CSMD3: variants seen among roughly 807,000 people sequenced by gnomAD.
CSMD3 encodes the protein CUB and Sushi multiple domains 3.
A neutral mutation model predicts 435.2 loss-of-function variants in CSMD3; 177 were observed. The observed-to-expected ratio is 0.41, with a 90% confidence interval of 0.36 to 0.46. The LOEUF is 0.46. Ranked by LOEUF, CSMD3 falls within the 20% of genes least tolerant of loss-of-function variation. The pLI, the probability that CSMD3 is intolerant of heterozygous loss-of-function variation, is 0.34. For missense variants in CSMD3, 4,265 were observed against 4,504.6 expected (o/e 0.95, Z 1.52); for synonymous variants, 1,656 against 1,520.5 (o/e 1.09, Z -2.07).
chr8:113,197,406 A>C (rs573375597), intron 3 of CSMD3, among the ~76,000 whole-genome samples: 3 of 151,168 alleles, frequency 2.0e-5, no homozygotes, highest in African/African-American at 7.3e-5. Context: ...AAAATCCAAA[A>C]CAGTTCTGTA....
intron 9 of CSMD3, among the ~76,000 whole-genome samples, chr8:112,936,581 T>G (rs2130739822): frequency 6.6e-6 from 1 of 152,212 alleles, no homozygotes; most frequent in African/African-American, 2.4e-5. Flanking sequence ...GCCTTAGTAT[T>G]CCTTTTTCCT....
intron 3 of CSMD3, among the ~76,000 whole-genome samples, chr8:113,247,979 C>T (rs945577411): frequency 2.0e-5 from 3 of 151,884 alleles, no homozygotes; most frequent in Admixed American, 6.6e-5. Context: ...AAGATTAAGT[C>T]AACAAATAAG....
chr8:113,419,770 T>G (rs948628339), intron 1 of CSMD3, among the ~76,000 whole-genome samples: 1 of 152,130 alleles, frequency 6.6e-6, no homozygotes, highest in African/African-American at 2.4e-5. Context: ...TTAGAATTAT[T>G]TTTTTGCCAA....
chr8:113,147,825 A>G (rs916250378), intron 4 of CSMD3, among the ~76,000 whole-genome samples: 10 of 151,652 alleles, frequency 6.6e-5, no homozygotes, highest in African/African-American at 2.4e-4. Context: ...ACACTCATGA[A>G]TAACAAATCT....
At chr8:112,506,540 G>T (rs181888224) in intron 29 of CSMD3, 151 bp downstream of exon 29, 127 of 712,236 alleles carry the variant, frequency 1.8e-4, no homozygotes, top group Non-Finnish European at 2.8e-4. Context: ...AATGACAGTG[G>T]CAAAGCTAGA....
intron 3 of CSMD3, among the ~76,000 whole-genome samples, chr8:113,203,897 A>C (rs985199068): frequency 6.6e-6 from 1 of 152,090 alleles, no homozygotes; most frequent in South Asian, 2.1e-4. Context: ...ATAAGTATGC[A>C]TCTATTTTTA....
At chr8:113,007,884 T>C (rs1438113429) in intron 6 of CSMD3, among the ~76,000 whole-genome samples, 1 of 151,894 alleles carries the variant, frequency 6.6e-6, no homozygotes, top group Non-Finnish European at 1.5e-5. Flanking sequence ...AAACGTAATA[T>C]AATGGAATGT....
At chr8:112,693,297 C>T (rs1367808138) in intron 13 of CSMD3, among the ~76,000 whole-genome samples, 1 of 152,148 alleles carries the variant, frequency 6.6e-6, no homozygotes, top group Admixed American at 6.6e-5. Flanking sequence ...GGGGGTGACA[C>T]TATTGCTAGG....
chr8:112,725,094 C>A lies in CSMD3; in HGVS notation c.1973-35044G>T, dbSNP rs1461233654. ...TGAATAACTCTTTTGAGCAAGTTTG[C>A]AGCAAAGAGAAGCAAAAAATATATG... On this transcript the variant is annotated intron_variant, in intron 13 of 70. Coordinates refer to ENST00000297405, the MANE Select transcript of CSMD3 (RefSeq NM_198123.2). Among the ~76,000 whole-genome samples the A allele has an allele frequency of 2.0e-5, 3 of 151,910 alleles. No individual in the cohort carries two copies. The East Asian group carries it at 5.8e-4, about 29-fold the overall frequency.
At chr8:112,487,797 C>A (rs576974832) in intron 31 of CSMD3, among the ~76,000 whole-genome samples, 2 of 152,038 alleles carry the variant, frequency 1.3e-5, no homozygotes, top group Non-Finnish European at 2.9e-5. Flanking sequence ...AGGGGAAAAT[C>A]TGGAATCTGT....
intron 11 of CSMD3, among the ~76,000 whole-genome samples, chr8:112,830,862 C>T (rs1053926693): frequency 1.3e-5 from 2 of 150,600 alleles, no homozygotes; most frequent in African/African-American, 4.9e-5. Context: ...TCTTGGCTCA[C>T]TGCCAGCTCC....
At chr8:112,891,080 T>C (rs544586502) in intron 10 of CSMD3, among the ~76,000 whole-genome samples, 2 of 151,624 alleles carry the variant, frequency 1.3e-5, no homozygotes, top group East Asian at 3.9e-4. Context: ...TTATTCTCAT[T>C]TTTACATCAA....
chr8:112,254,932 C>CAT (rs1345141224), intron 62 of CSMD3, among the ~76,000 whole-genome samples: 1 of 151,984 alleles, frequency 6.6e-6, no homozygotes, highest in Non-Finnish European at 1.5e-5. Context: ...AATCTAATTT[C>CAT]ATATGAAGAT....
At chr8:112,726,153 A>G (rs1474316329) in intron 13 of CSMD3, among the ~76,000 whole-genome samples, 1 of 151,966 alleles carries the variant, frequency 6.6e-6, no homozygotes, top group African/African-American at 2.4e-5. Flanking sequence ...GTATGTGGGA[A>G]ACCAATCCTA....
intron 5 of CSMD3, among the ~76,000 whole-genome samples, chr8:113,067,833 C>T (rs191773275): frequency 1.3e-5 from 2 of 152,116 alleles, no homozygotes; most frequent in South Asian, 2.1e-4. Flanking sequence ...GAGTTAATAT[C>T]GCTCTTTAAC....
Position 112,234,394 on chromosome 8 carries a change from T to C in CSMD3, c.10711A>G (p.Lys3571Glu), listed in dbSNP as rs530304950. ...CCATCCATTGCCCAATTTTCTTCCTTCATTTTCTTCACAGAAGCATGAGCA... is the reference window on the plus strand; with the variant it reads ...CCATCCATTGCCCAATTTTCTTCCTCCATTTTCTTCACAGAAGCATGAGCA... ...VPAHASVKKMKEENWAMDGFV... is the reference protein window; with the variant it reads ...VPAHASVKKMEEENWAMDGFV... The change falls in exon 68 of 71, where the codon AAG (lysine) becomes GAG (glutamate). Residue 3571 changes from lysine (K) to glutamate (E), a missense_variant. Coordinates refer to ENST00000297405, the MANE Select transcript of CSMD3 (RefSeq NM_198123.2). 6.2e-7 allele frequency: 1 copy of C among 1,612,682 alleles called. No individual in the cohort carries two copies. Among genetic ancestry groups the C allele is most frequent in the African/African-American group, 1.3e-5 (1 of 75,022 alleles).
intron 5 of CSMD3, among the ~76,000 whole-genome samples, chr8:113,071,961 T>C (rs1204226290): frequency 1.3e-5 from 2 of 151,848 alleles, no homozygotes; most frequent in African/African-American, 2.4e-5. Context: ...GATCTTTTCA[T>C]TTATCTGTGT....
At chr8:112,616,906 G>A (rs1475689126) in intron 22 of CSMD3, among the ~76,000 whole-genome samples, 1 of 152,152 alleles carries the variant, frequency 6.6e-6, no homozygotes, top group Non-Finnish European at 1.5e-5. Context: ...ACCTTTAAGA[G>A]GGAAAATGTG....
At chr8:112,512,372 C>G (rs1186865679) in intron 28 of CSMD3, among the ~76,000 whole-genome samples, 1 of 152,150 alleles carries the variant, frequency 6.6e-6, no homozygotes, top group African/African-American at 2.4e-5. Flanking sequence ...GGCATAAAAA[C>G]ATTAATCTCT....
Sources: gnomAD v4.1 joint callset for allele counts (sites outside exome capture counted in the v4.1 genomes callset) on GRCh38, gnomAD v4.1.1 for gene constraint, MANE v1.5 for transcripts, NCBI Gene and HGNC (gene_info 2026-07-23, HGNC 2026-07-21) for gene names.